C8orf74: variants seen among roughly 807,000 people sequenced by gnomAD.
The protein encoded by C8orf74 is chromosome 8 open reading frame 74, also known as uncharacterized protein C8orf74.
In C8orf74, 29 loss-of-function variants were observed where a neutral mutation model predicts 22.2. That is an observed-to-expected ratio of 1.31 (90% CI 0.97 to 1.78). The LOEUF is 1.78. Ranked by LOEUF, C8orf74 falls within the 40% of genes most tolerant of loss-of-function variation. The pLI, the probability that C8orf74 is intolerant of heterozygous loss-of-function variation, is 0.00. For synonymous variants in C8orf74, 255 were observed against 163.1 expected, an observed-to-expected ratio of 1.56 and a Z score of -4.30; for missense variants, 515 against 369.9, an observed-to-expected ratio of 1.39 and a Z score of -3.22.
intron 2 of C8orf74, among the ~76,000 whole-genome samples, chr8:10,675,245 G>A (rs566436800): frequency 6.6e-6 from 1 of 152,348 alleles, no homozygotes; most frequent in Non-Finnish European, 1.5e-5. Context: ...GGGAGTCCTG[G>A]AGCTTGCTCA....
chr8:10,685,440 A>G (rs1297791313), intron 2 of C8orf74, among the ~76,000 whole-genome samples: 2 of 152,270 alleles, frequency 1.3e-5, no homozygotes, highest in African/African-American at 2.4e-5. Flanking sequence ...ATCTATCCAT[A>G]CAATGGAATA....
intron 1 of C8orf74, 115 bp downstream of exon 1, chr8:10,672,828 G>C (rs1331225243): frequency 4.7e-6 from 4 of 846,926 alleles, no homozygotes; most frequent in Non-Finnish European, 5.8e-6. Flanking sequence ...CCCCGGCTCA[G>C]CACAGCACCT....
chr8:10,688,231 A>G (rs558892885), intron 2 of C8orf74: 1 of 152,306 alleles, frequency 6.6e-6, no homozygotes, highest in South Asian at 2.1e-4. Context: ...AGAAAAGAAA[A>G]AAGAAAAAAG....
At chr8:10,676,432 G>A (rs1238817115) in intron 2 of C8orf74, among the ~76,000 whole-genome samples, 2 of 152,070 alleles carry the variant, frequency 1.3e-5, no homozygotes, top group African/African-American at 2.4e-5. Flanking sequence ...TTGGTCCACT[G>A]CTTTCAAATC....
rs748153428 is a variant in C8orf74, at chr8:10,674,729, G to A, written c.132G>A (p.Leu44=). 3 of 1,608,408 alleles carry A rather than the reference G, an allele frequency of 1.9e-6. No homozygotes were observed. Among genetic ancestry groups the A allele is most frequent in the South Asian group, 2.2e-5 (2 of 89,670 alleles). The change falls in exon 2 of 4, where the codon CTG becomes CTA. Residue 44 remains leucine, a synonymous_variant. Coordinates refer to ENST00000304519, the MANE Select transcript of C8orf74 (RefSeq NM_001040032.2). The part of the protein sequence containing the change: ...DEQRDSRRSI[L]LDTLYESIIF... ...AGAGAGACTCCCGGAGGAGCATCCT[G>A]CTGGACACCCTCTACGAGAGCATCA...
At position 10,697,604 on chromosome 8, in the gene C8orf74, T is replaced by G; in HGVS notation, c.247T>G (p.Ser83Ala). Residue 83 changes from serine to alanine, a missense_variant, in exon 3 of 4, where the codon TCC becomes GCC. Coordinates refer to ENST00000304519, the MANE Select transcript of C8orf74 (RefSeq NM_001040032.2). ...CTTGGCCCCTGTGCCTACAGGCTGC[T>G]CCATTACTGAGGCTGTGACGATCCT... ...EELLRETKGC[S>A]ITEAVTILGN... 1 of 1,613,280 alleles carries G rather than the reference T, an allele frequency of 6.2e-7. No individual in the cohort carries two copies. Among genetic ancestry groups the G allele is most frequent in the Non-Finnish European group, 8.5e-7 (1 of 1,179,540 alleles).
chr8:10,674,939 C>CTG, intron 2 of C8orf74, 101 bp downstream of exon 2: 1 of 996,148 alleles, frequency 1.0e-6, no homozygotes, highest in Non-Finnish European at 1.5e-6. Context: ...CTTGGAGGAG[C>CTG]CAGGGCCCCT....
chr8:10,695,951 C>T (rs886152785), intron 2 of C8orf74, among the ~76,000 whole-genome samples: 2 of 152,114 alleles, frequency 1.3e-5, no homozygotes, highest in Admixed American at 1.3e-4. Context: ...CAGAGGGGGA[C>T]ACTGAGTCAC....
At position 10,697,849 on chromosome 8, in the gene C8orf74, C is replaced by G; in HGVS notation, c.492C>G (p.His164Gln). Residue 164 changes from histidine to glutamine, a missense_variant, in exon 3 of 4, where the codon CAC becomes CAG. Transcript: ENST00000304519. ...GCATGGACAGGGACTTGTGGATCCA[C>G]GAGCAGCAGGTGGCCACACTGACGG... is the stretch of plus-strand genomic sequence containing the variant. Reference protein sequence around the residue: ...AEGMDRDLWIHEQQVATLTEA... With the variant: ...AEGMDRDLWIQEQQVATLTEA... 6.2e-7 allele frequency: 1 copy of G among 1,613,638 alleles called. No individual in the cohort carries two copies. Among genetic ancestry groups the G allele is most frequent in the Non-Finnish European group, 8.5e-7 (1 of 1,179,704 alleles).
intron 2 of C8orf74, among the ~76,000 whole-genome samples, chr8:10,678,559 GGGCAGGACCAGA>G (rs1400969962): frequency 2.6e-5 from 4 of 151,778 alleles, no homozygotes; most frequent in Admixed American, 6.6e-5. Flanking sequence ...GCAGGAGATG[GGGCAGGACCAGA>G]GGCAGGACCA....
chr8:10,686,075 A>G (rs2129057434), intron 2 of C8orf74, among the ~76,000 whole-genome samples: 1 of 152,344 alleles, frequency 6.6e-6, no homozygotes, highest in South Asian at 2.1e-4. Flanking sequence ...TCTCAAAAAG[A>G]AAAAGAAAGG....
rs768785203 is a variant in C8orf74, at chr8:10,674,725, T to A, written c.128T>A (p.Ile43Asn). The A allele has an allele frequency of 1.9e-6, 3 of 1,608,652 alleles. No homozygotes were observed. The highest frequency in any genetic ancestry group is 2.5e-6 in the Non-Finnish European group (3 of 1,177,628). Residue 43 changes from isoleucine (I) to asparagine (N), a missense_variant, in exon 2 of 4, where the codon ATC becomes AAC. Transcript: ENST00000304519. Reference protein sequence around the residue: ...FDEQRDSRRSILLDTLYESII... With the variant: ...FDEQRDSRRSNLLDTLYESII... ...GAACAGAGAGACTCCCGGAGGAGCA[T>A]CCTGCTGGACACCCTCTACGAGAGC...
At chr8:10,692,447 C>G (rs1003767863) in intron 2 of C8orf74, 5 of 152,336 alleles carry the variant, frequency 3.3e-5, no homozygotes, top group African/African-American at 1.2e-4. Context: ...CCAGCAGCCT[C>G]CATGGTGAAA....
chr8:10,686,961 G>A (rs775364762), intron 2 of C8orf74: 16 of 372,530 alleles, frequency 4.3e-5, no homozygotes, highest in South Asian at 1.2e-4. Context: ...CCCCGTGCCC[G>A]CCCATCCCAC....
chr8:10,695,111 G>A (rs933317567), intron 2 of C8orf74, among the ~76,000 whole-genome samples: 10 of 152,220 alleles, frequency 6.6e-5, no homozygotes, highest in African/African-American at 2.4e-4. Context: ...AAGGGGAATG[G>A]AGAGATTTTT....
chr8:10,698,900 AC>A (rs1799590212), intron 3 of C8orf74, among the ~76,000 whole-genome samples: 4 of 86,836 alleles, frequency 4.6e-5, no homozygotes, highest in Admixed American at 2.5e-4. Flanking sequence ...TTACACACAC[AC>A]CACACACACA....
At chr8:10,699,435 T>A (rs1191991916) in intron 3 of C8orf74, among the ~76,000 whole-genome samples, 1 of 152,256 alleles carries the variant, frequency 6.6e-6, no homozygotes, top group African/African-American at 2.4e-5. Flanking sequence ...ATTTTGCATA[T>A]CTTTTAAGTG....
intron 2 of C8orf74, among the ~76,000 whole-genome samples, chr8:10,678,966 G>T (rs2129056479): frequency 6.6e-6 from 1 of 152,326 alleles, no homozygotes; most frequent in South Asian, 2.1e-4. Context: ...CAGTCCCCCA[G>T]ATGCCGAGGG....
At chr8:10,690,680 G>C (rs572182436) in intron 2 of C8orf74, among the ~76,000 whole-genome samples, 1 of 152,116 alleles carries the variant, frequency 6.6e-6, no homozygotes, top group African/African-American at 2.4e-5. Context: ...GGGGTGTGGC[G>C]CATCTCCCCC....
Sources: gnomAD v4.1 joint callset for allele counts (sites outside exome capture counted in the v4.1 genomes callset) on GRCh38, gnomAD v4.1.1 for gene constraint, MANE v1.5 for transcripts, NCBI Gene and HGNC (gene_info 2026-07-23, HGNC 2026-07-21) for gene names.